Variants in PRKCA observed in about 807,000 individuals in gnomAD.
PRKCA encodes the protein protein kinase C alpha type.
In PRKCA, 27 loss-of-function variants were observed where a neutral mutation model predicts 87.0. The ratio of observed to expected loss-of-function variants is 0.31; its 90% CI spans 0.23 to 0.43. The LOEUF is 0.43. Ranked by LOEUF, PRKCA falls within the 20% of genes least tolerant of loss-of-function variation. The pLI is 1.00. For synonymous variants in PRKCA, 329 were observed against 311.1 expected (o/e 1.06, Z -0.61); for missense variants, 518 against 852.3 (o/e 0.61, Z 4.88).
intron 16 of PRKCA, chr17:66,796,941 CT>C (rs1207847966): frequency 3.9e-5 from 38 of 985,402 alleles, no homozygotes; most frequent in Non-Finnish European, 4.5e-5. Flanking sequence ...TGCAACATCC[CT>C]TTACTCTTTA....
At chr17:66,633,123 T>G (rs1161920782) in intron 3 of PRKCA, among the ~76,000 whole-genome samples, 2 of 152,154 alleles carry the variant, frequency 1.3e-5, no homozygotes, top group Non-Finnish European at 2.9e-5. Context: ...AAATGGAGAG[T>G]GGGCCAGGCA....
chr17:66,383,898 C>T (rs535228044), intron 2 of PRKCA, among the ~76,000 whole-genome samples: 2 of 151,552 alleles, frequency 1.3e-5, no homozygotes, highest in African/African-American at 2.4e-5. Flanking sequence ...TGTAGTGAGC[C>T]GAGATGGTGC....
intron 3 of PRKCA, among the ~76,000 whole-genome samples, chr17:66,529,640 A>G (rs1016154910): frequency 6.6e-6 from 1 of 152,168 alleles, no homozygotes; most frequent in Non-Finnish European, 1.5e-5. Flanking sequence ...GAGATTTTGG[A>G]AAATTTTCAT....
intron 2 of PRKCA, among the ~76,000 whole-genome samples, chr17:66,323,394 A>G (rs984640080): frequency 6.6e-6 from 1 of 152,206 alleles, no homozygotes; most frequent in Non-Finnish European, 1.5e-5. Context: ...AAGAACACCA[A>G]TGGAATGTTT....
chr17:66,602,918 A>G (rs912719870), intron 3 of PRKCA, among the ~76,000 whole-genome samples: 1 of 152,144 alleles, frequency 6.6e-6, no homozygotes, highest in African/African-American at 2.4e-5. Flanking sequence ...CCGGGGATTC[A>G]GTCTGTGAGG....
At chr17:66,749,739 G>A (rs1203810004) in intron 13 of PRKCA, among the ~76,000 whole-genome samples, 1 of 152,212 alleles carries the variant, frequency 6.6e-6, no homozygotes, top group African/African-American at 2.4e-5. Context: ...GGAATCTGCA[G>A]GGGAGACACC....
At chr17:66,365,585 A>G (rs1486901754) in intron 2 of PRKCA, among the ~76,000 whole-genome samples, 1 of 151,370 alleles carries the variant, frequency 6.6e-6, no homozygotes, top group Admixed American at 6.6e-5. Flanking sequence ...TACTTCCTCC[A>G]AATAGATTAA....
intron 2 of PRKCA, among the ~76,000 whole-genome samples, chr17:66,356,314 T>A (rs1027934957): frequency 1.3e-5 from 2 of 151,818 alleles, no homozygotes; most frequent in Admixed American, 6.6e-5. Flanking sequence ...TCCACTTTTT[T>A]AAAAGACACC....
chr17:66,558,804 C>T (rs781086115), intron 3 of PRKCA, among the ~76,000 whole-genome samples: 7 of 152,022 alleles, frequency 4.6e-5, no homozygotes, highest in Non-Finnish European at 8.8e-5. Flanking sequence ...GTGGTGGCAG[C>T]GAAAGCAGCC....
intron 2 of PRKCA, among the ~76,000 whole-genome samples, chr17:66,354,189 T>C (rs985765450): frequency 3.3e-5 from 5 of 152,206 alleles, no homozygotes; most frequent in African/African-American, 9.7e-5. Flanking sequence ...TTTTGCAGAA[T>C]GAAGGAATTG....
chr17:66,346,934 G>A (rs922299924), intron 2 of PRKCA, among the ~76,000 whole-genome samples: 1 of 151,958 alleles, frequency 6.6e-6, no homozygotes, highest in Non-Finnish European at 1.5e-5. Flanking sequence ...CAGAGGCTGA[G>A]GCAGGAGAAT....
At chr17:66,560,899 C>A (rs1968660742) in intron 3 of PRKCA, among the ~76,000 whole-genome samples, 1 of 152,202 alleles carries the variant, frequency 6.6e-6, no homozygotes, top group Admixed American at 6.5e-5. Context: ...GGGAAACCAG[C>A]CAGCCAGTGG....
chr17:66,675,295 G>A (rs1193001878), intron 5 of PRKCA, among the ~76,000 whole-genome samples: 2 of 152,132 alleles, frequency 1.3e-5, no homozygotes, highest in African/African-American at 4.8e-5. Flanking sequence ...CCTCTCCATG[G>A]AGGCTCTGCC....
intron 2 of PRKCA, among the ~76,000 whole-genome samples, chr17:66,453,131 C>T (rs35868629): frequency 0.019 from 2,890 of 152,056 alleles, 32 homozygotes; most frequent in Middle Eastern, 0.048. Flanking sequence ...TAGGTGGTCA[C>T]GGATGTGGAA....
chr17:66,769,669 A>G (rs779252016), intron 13 of PRKCA, among the ~76,000 whole-genome samples: 3 of 152,114 alleles, frequency 2.0e-5, no homozygotes, highest in African/African-American at 4.8e-5. Context: ...CTCTACAAAG[A>G]CTGTGTTGAT....
intron 3 of PRKCA, among the ~76,000 whole-genome samples, chr17:66,613,048 G>A (rs1222848479): frequency 6.6e-6 from 1 of 152,158 alleles, no homozygotes; most frequent in African/African-American, 2.4e-5. Context: ...ATTGTGTACA[G>A]GGATTGCTTA....
At chr17:66,720,201 A>C (rs1467946589) in intron 8 of PRKCA, among the ~76,000 whole-genome samples, 1 of 152,254 alleles carries the variant, frequency 6.6e-6, no homozygotes, top group South Asian at 2.1e-4. Context: ...GGGCTAAAGC[A>C]TCCTTTGAGC....
intron 13 of PRKCA, among the ~76,000 whole-genome samples, chr17:66,771,330 T>C (rs1378229455): frequency 1.3e-5 from 2 of 152,224 alleles, no homozygotes; most frequent in Admixed American, 6.5e-5. Flanking sequence ...AAAGTTTTAC[T>C]TTTGAGTTAG....
chr17:66,306,767 G>A lies in PRKCA; in HGVS notation c.205+640G>A, dbSNP rs575468975. ...TCTGTAATTGCATTTCACACACATC[G>A]AATATCTAACTTTTTGTACTCTCCA... On this transcript the variant is annotated intron_variant, in intron 2 of 16. Transcript: ENST00000413366. 2.7e-4 allele frequency among the ~76,000 whole-genome samples: 41 copies of A among 152,104 alleles called. 1 individual carries two copies. The highest frequency in any genetic ancestry group is 2.3e-3 in the Admixed American group (35 of 15,270).
Sources: gnomAD v4.1 joint callset for allele counts (sites outside exome capture counted in the v4.1 genomes callset) on GRCh38, gnomAD v4.1.1 for gene constraint, MANE v1.5 for transcripts, NCBI Gene and HGNC (gene_info 2026-07-23, HGNC 2026-07-21) for gene names.